NALCN: variants seen among roughly 807,000 people sequenced by gnomAD.
The protein encoded by NALCN is sodium leak channel NALCN.
In NALCN, 111 loss-of-function variants were observed where a neutral mutation model predicts 225.3. That is an observed-to-expected ratio of 0.49 (90% CI 0.42 to 0.58). The LOEUF is 0.58. NALCN is among the 20% of genes least tolerant of loss of function. The pLI is 0.00. For missense variants in NALCN, 1,378 were observed against 2,202.4 expected, an observed-to-expected ratio of 0.63 and a Z score of 7.49; for synonymous variants, 764 against 769.0, an observed-to-expected ratio of 0.99 and a Z score of 0.11.
At chr13:101,390,707 G>T (rs868337260) in intron 3 of NALCN, among the ~76,000 whole-genome samples, 1 of 152,070 alleles carries the variant, frequency 6.6e-6, no homozygotes, top group African/African-American at 2.4e-5. Context: ...TTATGCTGCT[G>T]GTTAACATTA....
At chr13:101,124,779 G>A (rs1005184007) in intron 17 of NALCN, 98 bp from the exon 18 acceptor site, 7 of 1,014,790 alleles carry the variant, frequency 6.9e-6, no homozygotes, top group Non-Finnish European at 9.0e-6. Context: ...CATGAAACAT[G>A]AATATGTTTC....
At chr13:101,113,092 C>T (rs1247779129) in intron 18 of NALCN, among the ~76,000 whole-genome samples, 2 of 151,992 alleles carry the variant, frequency 1.3e-5, no homozygotes, top group Non-Finnish European at 2.9e-5. Context: ...GGAAACAAAC[C>T]CTAAATAATC....
intron 1 of NALCN, among the ~76,000 whole-genome samples, chr13:101,403,058 A>AT (rs1380188840): frequency 6.6e-6 from 1 of 150,858 alleles, no homozygotes; most frequent in Non-Finnish European, 1.5e-5. Flanking sequence ...CCTCTTTTAT[A>AT]TAAAAAAAAA....
intron 1 of NALCN, among the ~76,000 whole-genome samples, chr13:101,405,480 A>T (rs1594792297): frequency 6.6e-6 from 1 of 152,114 alleles, no homozygotes; most frequent in Non-Finnish European, 1.5e-5. Context: ...AGCTACTGAT[A>T]CCTGCACCTC....
At chr13:101,094,587 G>T (rs185008894) in intron 28 of NALCN, among the ~76,000 whole-genome samples, 2 of 151,838 alleles carry the variant, frequency 1.3e-5, no homozygotes, top group East Asian at 3.9e-4. Flanking sequence ...TCAGCAGTGG[G>T]GCCAGGATAT....
At chr13:101,324,028 T>C (rs1169674418) in intron 7 of NALCN, among the ~76,000 whole-genome samples, 4 of 152,184 alleles carry the variant, frequency 2.6e-5, no homozygotes, top group Non-Finnish European at 5.9e-5. Context: ...TTTAACTTAG[T>C]AGCAATTTCA....
intron 30 of NALCN, among the ~76,000 whole-genome samples, chr13:101,085,003 G>A (rs959798463): frequency 6.0e-4 from 92 of 152,218 alleles, no homozygotes; most frequent in African/African-American, 2.1e-3. Context: ...CATTTTGATA[G>A]GTGTGAAAAT....
At chr13:101,257,623 AG>A (rs1310006862) in intron 11 of NALCN, among the ~76,000 whole-genome samples, 1 of 152,128 alleles carries the variant, frequency 6.6e-6, no homozygotes, top group Non-Finnish European at 1.5e-5. Context: ...ACTTTTTCAT[AG>A]GTTGGATTTA....
chr13:101,400,681 G>A (rs975136770), intron 1 of NALCN, among the ~76,000 whole-genome samples: 2 of 152,024 alleles, frequency 1.3e-5, no homozygotes, highest in African/African-American at 2.4e-5. Flanking sequence ...TGCCTGTATT[G>A]AGCACCTATC....
At chr13:101,197,322 T>C (rs1323790634) in intron 13 of NALCN, among the ~76,000 whole-genome samples, 1 of 151,596 alleles carries the variant, frequency 6.6e-6, no homozygotes, top group Non-Finnish European at 1.5e-5. Flanking sequence ...CTTTTCCTCC[T>C]CCTTCATCTT....
chr13:101,104,618 C>T lies in NALCN; in HGVS notation c.2669G>A (p.Trp890Ter). Residue 890 changes from tryptophan to a stop codon, truncating the protein, a stop_gained, in exon 24 of 44, where the codon TGG becomes TAG. Coordinates refer to ENST00000251127, the MANE Select transcript of NALCN (RefSeq NM_052867.4). LOFTEE classifies it high-confidence loss of function. This position sits in a 1 kb window ranked among gnomAD's most constrained non-coding sequence, Gnocchi z 4.2. Reference protein sequence around the residue: ...DLLGLVTYLDWVMIIVTICSC... With the variant: ...DLLGLVTYLD ...GCAGATGGTTACGATGATCATGACC[C>T]AGTCCAGGTAAGTGACCAATCCCAG... The T allele has an allele frequency of 6.2e-7, 1 of 1,613,920 alleles. No individual in the cohort carries two copies. Among genetic ancestry groups the T allele is most frequent in the South Asian group, 1.1e-5 (1 of 91,070 alleles).
chr13:101,242,311 G>A (rs148535866), intron 11 of NALCN, among the ~76,000 whole-genome samples: 1 of 104,110 alleles, frequency 9.6e-6, no homozygotes, highest in African/African-American at 3.4e-5. Flanking sequence ...TTTTTAACTT[G>A]GTCAACTATT....
chr13:101,314,958 G>A (rs949181124), intron 7 of NALCN, among the ~76,000 whole-genome samples: 2 of 140,096 alleles, frequency 1.4e-5, no homozygotes, highest in Admixed American at 7.4e-5. Flanking sequence ...ATACTAAAGT[G>A]ATGCTGCCTG....
At chr13:101,294,426 T>C (rs1290189634) in intron 7 of NALCN, among the ~76,000 whole-genome samples, 1 of 152,052 alleles carries the variant, frequency 6.6e-6, no homozygotes, top group East Asian at 1.9e-4. Flanking sequence ...TAAAACAAAA[T>C]ATCACAGGTA....
rs138959502 is a variant in NALCN, at chr13:101,164,882, T to C, written c.1839+11418A>G. 3.5e-3 allele frequency among the ~76,000 whole-genome samples: 527 copies of C among 152,300 alleles called. 3 individuals carry two copies. Among genetic ancestry groups the C allele is most frequent in the Non-Finnish European group, 6.2e-3 (425 of 68,030 alleles). ...TGGAAAGTTATGGGCAATAATAAACTGACCTCAAAAGAGTCATCTCTGACC... is the reference window on the plus strand; with the variant it reads ...TGGAAAGTTATGGGCAATAATAAACCGACCTCAAAAGAGTCATCTCTGACC... On this transcript the variant is annotated intron_variant, in intron 15 of 43. Coordinates refer to ENST00000251127, the MANE Select transcript of NALCN (RefSeq NM_052867.4).
chr13:101,280,705 A>G (rs1319110928), intron 10 of NALCN, among the ~76,000 whole-genome samples: 1 of 152,164 alleles, frequency 6.6e-6, no homozygotes, highest in Non-Finnish European at 1.5e-5. Context: ...GCTAGGAGCC[A>G]TAAGACCCAG....
chr13:101,352,683 T>C lies in NALCN; in HGVS notation c.645-7263A>G, dbSNP rs140369220. 1.2e-3 allele frequency among the ~76,000 whole-genome samples: 185 copies of C among 152,326 alleles called. 2 individuals carry two copies. The highest frequency in any genetic ancestry group is 3.1e-3 in the Admixed American group (48 of 15,292). On this transcript the variant is annotated intron_variant, in intron 6 of 43. Coordinates refer to ENST00000251127, the MANE Select transcript of NALCN (RefSeq NM_052867.4). The stretch of plus-strand genomic sequence containing the variant: ...TGCAGCATGAGCTGATTATAAACTG[T>C]TCCTAGTAGGTGAGAAAGGACAAAA...
At chr13:101,301,281 G>A (rs747992879) in intron 7 of NALCN, among the ~76,000 whole-genome samples, 176 of 152,296 alleles carry the variant, frequency 1.2e-3, no homozygotes, top group Non-Finnish European at 1.7e-3. Flanking sequence ...CCCTGCGCTC[G>A]GCAATTTCCA....
At chr13:101,113,616 T>G (rs1358284137) in intron 18 of NALCN, among the ~76,000 whole-genome samples, 1 of 152,208 alleles carries the variant, frequency 6.6e-6, no homozygotes, top group Non-Finnish European at 1.5e-5. Flanking sequence ...ACAATGTTAC[T>G]ATAGATAAGC....
Sources: allele counts gnomAD v4.1 joint callset (sites outside exome capture counted in the v4.1 genomes callset), GRCh38; gene constraint gnomAD v4.1.1; non-coding constraint Gnocchi (gnomAD v3.1); transcripts MANE v1.5; gene names NCBI Gene and HGNC (gene_info 2026-07-23, HGNC 2026-07-21).